Variants in EXOC6B observed in about 807,000 individuals in gnomAD.
The protein encoded by EXOC6B is exocyst complex component 6B.
Under a neutral mutation model 113.5 loss-of-function variants are expected in EXOC6B, and 54 were observed. The observed-to-expected ratio is 0.48, with a 90% confidence interval of 0.38 to 0.60. The LOEUF is 0.60. Among genes scored for constraint, EXOC6B ranks in the 20% least tolerant of loss-of-function variants. EXOC6B has a pLI of 0.00. For missense variants in EXOC6B, 797 were observed against 977.5 expected, an observed-to-expected ratio of 0.82 and a Z score of 2.46; for synonymous variants, 357 against 339.0, an observed-to-expected ratio of 1.05 and a Z score of -0.58.
rs565131311 is a variant in EXOC6B at position 72,412,860 on chromosome 2, A to G, written c.1981-32990T>C. On this transcript the variant is annotated intron_variant, in intron 18 of 21. Transcript: ENST00000272427. ...TAATTGATCCTGGCCTGTTCTAACC[A>G]GCATAAAGTAGAAGAAGCTTTTGTT... 2.0e-5 allele frequency among the ~76,000 whole-genome samples: 3 copies of G among 152,308 alleles called. No individual in the cohort carries two copies. The East Asian group carries it at 5.8e-4, about 29-fold the overall frequency.
intron 2 of EXOC6B, among the ~76,000 whole-genome samples, chr2:72,738,068 G>C (rs989070883): frequency 3.9e-5 from 6 of 151,934 alleles, no homozygotes; most frequent in Non-Finnish European, 8.8e-5. Flanking sequence ...AAACACTCTA[G>C]CTTATTCTTA....
At chr2:72,396,593 A>C (rs1184263260) in intron 18 of EXOC6B, among the ~76,000 whole-genome samples, 1 of 152,178 alleles carries the variant, frequency 6.6e-6, no homozygotes, top group African/African-American at 2.4e-5. Context: ...CTTAGGACTC[A>C]GAATATGGGA....
intron 17 of EXOC6B, among the ~76,000 whole-genome samples, chr2:72,475,115 C>G (rs1425549232): frequency 1.3e-5 from 2 of 152,084 alleles, no homozygotes; most frequent in Non-Finnish European, 2.9e-5. Flanking sequence ...GTAGGTCGGT[C>G]TTTGAGCCCC....
At chr2:72,454,351 T>G (rs1697087186) in intron 18 of EXOC6B, among the ~76,000 whole-genome samples, 1 of 151,824 alleles carries the variant, frequency 6.6e-6, no homozygotes, top group African/African-American at 2.4e-5. Context: ...AAAAAAATAA[T>G]AAGTTAGCCA....
At chr2:72,777,700 G>A (rs182271461) in intron 1 of EXOC6B, among the ~76,000 whole-genome samples, 5 of 152,068 alleles carry the variant, frequency 3.3e-5, no homozygotes, top group Admixed American at 3.3e-4. Context: ...TTTTTCATTC[G>A]TACCTCCTCC....
chr2:72,280,337 C>T (rs1188766283), intron 20 of EXOC6B, among the ~76,000 whole-genome samples: 1 of 152,078 alleles, frequency 6.6e-6, no homozygotes, highest in Admixed American at 6.5e-5. Flanking sequence ...TTTTTACACA[C>T]CTGTGCTCAT....
At chr2:72,280,604 C>T (rs1252995340) in intron 20 of EXOC6B, among the ~76,000 whole-genome samples, 3 of 152,026 alleles carry the variant, frequency 2.0e-5, no homozygotes, top group Non-Finnish European at 2.9e-5. Flanking sequence ...TTTGGGGTAT[C>T]ATGGAGTAAT....
intron 20 of EXOC6B, among the ~76,000 whole-genome samples, chr2:72,251,818 TTTA>T (rs1174731064): frequency 6.6e-6 from 1 of 152,242 alleles, no homozygotes; most frequent in African/African-American, 2.4e-5. Context: ...AGCCTTTTCA[TTTA>T]ATGTTTAGCA....
At chr2:72,325,346 T>C (rs1688067201) in intron 20 of EXOC6B, among the ~76,000 whole-genome samples, 1 of 152,110 alleles carries the variant, frequency 6.6e-6, no homozygotes, top group South Asian at 2.1e-4. Context: ...CTGAAATTGT[T>C]CCCTTTGCAG....
Position 72,445,470 on chromosome 2 carries a change from C to CT in EXOC6B, c.1980+19689dup, listed in dbSNP as rs372893570. Among the ~76,000 whole-genome samples the CT allele has an allele frequency of 2.9e-3, 435 of 152,196 alleles. 1 individual carries two copies. The highest frequency in any genetic ancestry group is 9.9e-3 in the African/African-American group (412 of 41,512). On this transcript the variant is annotated intron_variant, in intron 18 of 21. Transcript: ENST00000272427. ...ACTGGTACAAATTTACTGTATTGGT[C>CT]TTTTTTCACACTCCTGATAAAGACA...
At chr2:72,319,670 C>T (rs1415905505) in intron 20 of EXOC6B, among the ~76,000 whole-genome samples, 1 of 152,146 alleles carries the variant, frequency 6.6e-6, no homozygotes, top group Non-Finnish European at 1.5e-5. Context: ...TGGAATAAAT[C>T]TCACAAAATA....
At chr2:72,444,571 A>T (rs1696446049) in intron 18 of EXOC6B, among the ~76,000 whole-genome samples, 1 of 152,222 alleles carries the variant, frequency 6.6e-6, no homozygotes, top group Non-Finnish European at 1.5e-5. Context: ...CTGGATATCC[A>T]GGCATTTCTA....
At chr2:72,514,977 A>G in intron 9 of EXOC6B, 66 bp downstream of exon 9, 4 of 1,304,152 alleles carry the variant, frequency 3.1e-6, no homozygotes, top group Non-Finnish European at 4.3e-6. Flanking sequence ...ACACACACAC[A>G]CACGCATCAA....
intron 20 of EXOC6B, among the ~76,000 whole-genome samples, chr2:72,249,921 G>A (rs1027372715): frequency 2.6e-5 from 4 of 152,156 alleles, no homozygotes; most frequent in African/African-American, 9.7e-5. Context: ...GCTTTATCAA[G>A]TTGTTTAGGT....
chr2:72,546,691 G>C (rs554624952), intron 8 of EXOC6B, among the ~76,000 whole-genome samples: 2 of 152,256 alleles, frequency 1.3e-5, no homozygotes, highest in South Asian at 2.1e-4. Flanking sequence ...AGTTTAACTG[G>C]TGAGGCTAAC....
intron 11 of EXOC6B, among the ~76,000 whole-genome samples, chr2:72,501,341 C>T (rs530578065): frequency 6.6e-6 from 1 of 152,176 alleles, no homozygotes; most frequent in South Asian, 2.1e-4. Flanking sequence ...CCCTTGCTCC[C>T]TCTCTCACAA....
intron 18 of EXOC6B, among the ~76,000 whole-genome samples, chr2:72,380,938 C>T (rs1458843288): frequency 6.6e-6 from 1 of 152,004 alleles, no homozygotes; most frequent in East Asian, 1.9e-4. Flanking sequence ...GTGAATCATC[C>T]TTCTTTTTTG....
intron 5 of EXOC6B, among the ~76,000 whole-genome samples, chr2:72,727,003 G>A (rs1680338792): frequency 6.6e-6 from 1 of 152,120 alleles, no homozygotes. Context: ...TGTATAGGTT[G>A]TACGCAAATA....
chr2:72,584,463 A>C (rs1288463904), intron 6 of EXOC6B, among the ~76,000 whole-genome samples: 1 of 152,264 alleles, frequency 6.6e-6, no homozygotes, highest in Non-Finnish European at 1.5e-5. Context: ...AGAAAACTTA[A>C]CTATCGTAAA....
Sources: gnomAD v4.1 joint callset for allele counts (sites outside exome capture counted in the v4.1 genomes callset) on GRCh38, gnomAD v4.1.1 for gene constraint, MANE v1.5 for transcripts, NCBI Gene and HGNC (gene_info 2026-07-23, HGNC 2026-07-21) for gene names.